Variants in CCDC178 observed in about 807,000 individuals in gnomAD.
The protein encoded by CCDC178 is coiled-coil domain-containing protein 178.
A neutral mutation model predicts 117.4 loss-of-function variants in CCDC178; 126 were observed. That is an observed-to-expected ratio of 1.07 (90% CI 0.93 to 1.24). The LOEUF (loss-of-function observed/expected upper bound fraction) is 1.24. Ranked by LOEUF, CCDC178 falls within the 50% of genes most tolerant of loss-of-function variation. The pLI, the probability that CCDC178 is intolerant of heterozygous loss-of-function variation, is 0.00. For synonymous variants in CCDC178, 283 were observed against 313.4 expected, an observed-to-expected ratio of 0.90 and a Z score of 1.02; for missense variants, 1,030 against 986.9, an observed-to-expected ratio of 1.04 and a Z score of -0.59.
At chr18:33,223,063 T>C (rs944168269) in intron 18 of CCDC178, 43 bp downstream of exon 18, 13 of 1,430,174 alleles carry the variant, frequency 9.1e-6, no homozygotes, top group Middle Eastern at 2.0e-4. Context: ...CTGACATACA[T>C]AAACTGTAAA....
chr18:33,014,637 T>C (rs1023632491), intron 21 of CCDC178, among the ~76,000 whole-genome samples: 2 of 151,838 alleles, frequency 1.3e-5, no homozygotes, highest in African/African-American at 4.9e-5. Flanking sequence ...TATATTGTTT[T>C]ATGTATGTAT....
At chr18:33,345,698 T>C (rs1399684781) in intron 9 of CCDC178, among the ~76,000 whole-genome samples, 2 of 152,162 alleles carry the variant, frequency 1.3e-5, no homozygotes, top group African/African-American at 4.8e-5. Flanking sequence ...GTACCATAAA[T>C]GCTACTGGAT....
chr18:33,360,075 T>C (rs969942041), intron 6 of CCDC178, among the ~76,000 whole-genome samples: 2 of 151,216 alleles, frequency 1.3e-5, no homozygotes, highest in African/African-American at 4.8e-5. Context: ...TAATGGACGA[T>C]AACAAGTGCT....
In CCDC178 at chr18:33,263,392, C is replaced by T. The variant is rs76915656; in HGVS notation, c.1409+3524G>A. Among the ~76,000 whole-genome samples, 925 of 152,176 alleles carry T rather than the reference C, an allele frequency of 6.1e-3. 8 individuals are homozygous for T. Among genetic ancestry groups the T allele is most frequent in the African/African-American group, 0.021 (886 of 41,536 alleles). On this transcript the variant is annotated intron_variant, in intron 14 of 22. Coordinates refer to ENST00000383096, the MANE Select transcript of CCDC178 (RefSeq NM_001105528.4). Reference sequence around the variant, plus strand: ...ACAAGTAGTTAAAAATGAGAGCCATCCAAATAACAGCAATTTGTACATAAA... The same window carrying T: ...ACAAGTAGTTAAAAATGAGAGCCATTCAAATAACAGCAATTTGTACATAAA...
chr18:33,046,255 A>G (rs532102120), intron 21 of CCDC178, among the ~76,000 whole-genome samples: 16 of 152,270 alleles, frequency 1.1e-4, no homozygotes, highest in African/African-American at 3.8e-4. Flanking sequence ...CTAGGTCTAA[A>G]AATCTTAAGG....
intron 21 of CCDC178, among the ~76,000 whole-genome samples, chr18:32,993,405 C>T (rs2055434555): frequency 6.6e-6 from 1 of 152,076 alleles, no homozygotes; most frequent in Non-Finnish European, 1.5e-5. Context: ...CCAATTGTCC[C>T]TTAATCTGCA....
At chr18:33,055,432 G>A (rs906961667) in intron 21 of CCDC178, among the ~76,000 whole-genome samples, 2 of 150,870 alleles carry the variant, frequency 1.3e-5, no homozygotes, top group African/African-American at 4.9e-5. Flanking sequence ...AATCTTCTGG[G>A]ATCAACGGTT....
chr18:33,001,605 G>A (rs2055635627), intron 21 of CCDC178, among the ~76,000 whole-genome samples: 4 of 151,944 alleles, frequency 2.6e-5, no homozygotes. Flanking sequence ...GAATGAAGGA[G>A]AAAAGTGAGG....
At chr18:33,313,583 C>T (rs916938007) in intron 11 of CCDC178, among the ~76,000 whole-genome samples, 9 of 152,176 alleles carry the variant, frequency 5.9e-5, no homozygotes, top group Non-Finnish European at 1.2e-4. Context: ...CATTCTAACA[C>T]TCTGGCCAGG....
chr18:33,386,724 A>T (rs1418476144), intron 5 of CCDC178, among the ~76,000 whole-genome samples: 5 of 152,182 alleles, frequency 3.3e-5, no homozygotes, highest in African/African-American at 1.2e-4. Flanking sequence ...CCTCAAAATA[A>T]TAAGAGCCAT....
chr18:33,321,287 A>G (rs1287116046), intron 11 of CCDC178, among the ~76,000 whole-genome samples: 1 of 152,236 alleles, frequency 6.6e-6, no homozygotes, highest in Admixed American at 6.5e-5. Flanking sequence ...AGAAACTACC[A>G]TCAGAGTGAA....
At chr18:33,178,379 C>G (rs183525633) in intron 20 of CCDC178, among the ~76,000 whole-genome samples, 3 of 152,244 alleles carry the variant, frequency 2.0e-5, no homozygotes, top group Admixed American at 1.3e-4. Context: ...CTCACTGCCT[C>G]TCTTGAAATA....
At chr18:33,226,108 C>A (rs2059300847) in intron 16 of CCDC178, among the ~76,000 whole-genome samples, 1 of 152,172 alleles carries the variant, frequency 6.6e-6, no homozygotes, top group Admixed American at 6.5e-5. Flanking sequence ...TTATGGTGAG[C>A]CAAGATCGTG....
chr18:32,949,442 TTC>T (rs1271966050), intron 22 of CCDC178, among the ~76,000 whole-genome samples: 1 of 152,136 alleles, frequency 6.6e-6, no homozygotes, highest in African/African-American at 2.4e-5. Context: ...AACTATTTCT[TTC>T]TTTCATTTTG....
intron 11 of CCDC178, among the ~76,000 whole-genome samples, chr18:33,320,822 C>G (rs923599906): frequency 2.0e-5 from 3 of 152,166 alleles, no homozygotes; most frequent in African/African-American, 7.2e-5. Flanking sequence ...AGGCATCACA[C>G]TACCTGACTT....
intron 3 of CCDC178, among the ~76,000 whole-genome samples, chr18:33,403,913 T>C (rs1261806357): frequency 6.6e-6 from 1 of 151,998 alleles, no homozygotes; most frequent in African/African-American, 2.4e-5. Flanking sequence ...TGAGGAATAC[T>C]CCTTTCGACT....
chr18:33,206,998 T>C (rs746207793), intron 20 of CCDC178, among the ~76,000 whole-genome samples: 3 of 152,216 alleles, frequency 2.0e-5, no homozygotes, highest in Non-Finnish European at 4.4e-5. Flanking sequence ...AAACAGTTCA[T>C]GCTGCCTGTT....
intron 22 of CCDC178, chr18:32,938,293 T>G (rs942332174): frequency 1.8e-5 from 9 of 495,682 alleles, no homozygotes; most frequent in African/African-American, 1.6e-4. Context: ...TTCTAAAAAT[T>G]AAAGTCCAAC....
intron 20 of CCDC178, among the ~76,000 whole-genome samples, chr18:33,147,956 C>T (rs987180309): frequency 3.3e-5 from 5 of 151,734 alleles, no homozygotes. Context: ...GCAGAGGCGC[C>T]CCCACCTCCC....
Sources: gnomAD v4.1 joint callset for allele counts (sites outside exome capture counted in the v4.1 genomes callset) on GRCh38, gnomAD v4.1.1 for gene constraint, MANE v1.5 for transcripts, NCBI Gene and HGNC (gene_info 2026-07-23, HGNC 2026-07-21) for gene names.